KCNQ2: variants seen among roughly 807,000 people sequenced by gnomAD.
The protein encoded by KCNQ2 is potassium voltage-gated channel subfamily KQT member 2.
Under a neutral mutation model 84.8 loss-of-function variants are expected in KCNQ2, and 14 were observed. That is an observed-to-expected ratio of 0.17 (90% CI 0.11 to 0.26). KCNQ2 has a LOEUF of 0.26. Among genes scored for constraint, KCNQ2 ranks in the 10% least tolerant of loss-of-function variants. KCNQ2 has a pLI of 1.00. For synonymous variants in KCNQ2, 599 were observed against 554.1 expected, an observed-to-expected ratio of 1.08 and a Z score of -1.14; for missense variants, 788 against 1,254.0, an observed-to-expected ratio of 0.63 and a Z score of 5.61.
intron 1 of KCNQ2, among the ~76,000 whole-genome samples, chr20:63,451,475 G>A (rs550634936): frequency 6.6e-6 from 1 of 152,278 alleles, no homozygotes; most frequent in Non-Finnish European, 1.5e-5. Flanking sequence ...GAACCTGCCT[G>A]CTTGGGGACT....
chr20:63,429,858 T>C (rs2080741546), intron 9 of KCNQ2, among the ~76,000 whole-genome samples: 1 of 152,084 alleles, frequency 6.6e-6, no homozygotes, highest in African/African-American at 2.4e-5. Flanking sequence ...CTGGCCCCTC[T>C]TTGTTCCCTC....
Position 63,406,769 on chromosome 20 carries a change from G to C in KCNQ2, c.2494C>G (p.Pro832Ala). Reference protein sequence around the residue: ...AAVAPCAKVRPYIAEGESDTD... With the variant: ...AAVAPCAKVRAYIAEGESDTD... The stretch of plus-strand genomic sequence containing the variant: ...TCTGACTCTCCCTCCGCAATGTAGG[G>C]CCTGACTTTGGCACAAGGCGCCACG... The change falls in exon 17 of 17, where the codon CCC (proline) becomes GCC (alanine). Residue 832 changes from proline (P) to alanine (A), a missense_variant. By Grantham distance (27) the Pro-to-Ala change is conservative. Around this residue, in one of 8 missense-constraint regions of KCNQ2, gnomAD observed 378 missense variants for 434.5 expected, o/e 0.87. Transcript: ENST00000359125. 1.2e-6 allele frequency: 2 copies of C among 1,612,494 alleles called. No individual in the cohort carries two copies. The highest frequency in any genetic ancestry group is 2.7e-5 in the African/African-American group (2 of 75,056).
intron 7 of KCNQ2, among the ~76,000 whole-genome samples, chr20:63,435,182 A>G (rs2080956570): frequency 6.6e-6 from 1 of 152,184 alleles, no homozygotes; most frequent in Admixed American, 6.5e-5. Flanking sequence ...TGAGCCCAGG[A>G]GTTCAAGCCC....
At chr20:63,411,009 T>G in intron 15 of KCNQ2, 1 of 456,378 alleles carries the variant, frequency 2.2e-6, no homozygotes, top group Non-Finnish European at 4.4e-6. Flanking sequence ...AGTTAATCAC[T>G]AAAGAACTGG....
chr20:63,413,692 G>GC, intron 14 of KCNQ2, 111 bp from the exon 15 acceptor site: 1 of 1,210,714 alleles, frequency 8.3e-7, no homozygotes, highest in East Asian at 2.5e-5. Context: ...GGCTGGACTT[G>GC]CCCCTCTTGT....
Position 63,462,312 on chromosome 20 carries a change from C to T in KCNQ2, c.296+9856G>A, listed in dbSNP as rs544891361. The stretch of plus-strand genomic sequence containing the variant: ...ACCCCAGGCAGCAGGGAGGAGGTGG[C>T]ACCTACCCCAGGCAGCAGGGAGGAG... On this transcript the variant is annotated intron_variant, in intron 1 of 16. Coordinates refer to ENST00000359125, the MANE Select transcript of KCNQ2 (RefSeq NM_172107.4). Among the ~76,000 whole-genome samples, 30 of 150,018 alleles carry T rather than the reference C, an allele frequency of 2.0e-4. No homozygotes were observed. In the East Asian group the frequency reaches 5.6e-3, roughly 28 times the overall value.
chr20:63,428,481 G>C (rs771480455), intron 9 of KCNQ2, 46 bp from the exon 10 acceptor site: 19 of 1,476,318 alleles, frequency 1.3e-5, no homozygotes, highest in Non-Finnish European at 1.8e-5. Flanking sequence ...ACCCTCCCGA[G>C]TCCTGGGACA....
intron 4 of KCNQ2, chr20:63,443,481 C>CCACCAT (rs2081320019): frequency 1.4e-5 from 1 of 70,904 alleles, no homozygotes; most frequent in Non-Finnish European, 2.9e-5. Context: ...ACCATCATCA[C>CCACCAT]CACCACCATC....
Position 63,438,218 on chromosome 20 carries a change from C to T in KCNQ2, c.1023+407G>A, listed in dbSNP as rs376781760. ...GGGACGGCACTGGGTGGGGTCCGGGCGGGCATCATGGGGGCCCACAGCCAG... is the reference window on the plus strand; with the variant it reads ...GGGACGGCACTGGGTGGGGTCCGGGTGGGCATCATGGGGGCCCACAGCCAG... On this transcript the variant is annotated intron_variant, in intron 7 of 16. Coordinates refer to ENST00000359125, the MANE Select transcript of KCNQ2 (RefSeq NM_172107.4). The surrounding 1 kb of genome is among the most constrained non-coding windows in gnomAD (Gnocchi z 5.1). The T allele has an allele frequency of 6.2e-6, 2 of 320,168 alleles. No homozygotes were observed. Among genetic ancestry groups the T allele is most frequent in the Admixed American group, 4.2e-5 (1 of 23,530 alleles). The allele number at this position is 320,168 out of a possible 1,614,324, so 19.8% of individuals were successfully genotyped here.
At chr20:63,416,085 C>T (rs1175177713) in intron 12 of KCNQ2, among the ~76,000 whole-genome samples, 1 of 152,228 alleles carries the variant, frequency 6.6e-6, no homozygotes, top group Non-Finnish European at 1.5e-5. Context: ...ACTGCTCCTT[C>T]CGGCTTCTGG....
At chr20:63,435,985 CTT>C (rs56346120) in intron 7 of KCNQ2, among the ~76,000 whole-genome samples, 26 of 139,816 alleles carry the variant, frequency 1.9e-4, no homozygotes, top group Non-Finnish European at 1.2e-4. Context: ...TGTGTGGTTT[CTT>C]TTTTTTTTTT....
At chr20:63,462,295 C>T (rs1371134143) in intron 1 of KCNQ2, among the ~76,000 whole-genome samples, 1 of 135,326 alleles carries the variant, frequency 7.4e-6, no homozygotes, top group African/African-American at 2.8e-5. Flanking sequence ...CTACCCCAGG[C>T]AGCAGGGAGG....
At chr20:63,421,752 G>C (rs1216638673) in intron 11 of KCNQ2, among the ~76,000 whole-genome samples, 1 of 152,156 alleles carries the variant, frequency 6.6e-6, no homozygotes, top group Non-Finnish European at 1.5e-5. Context: ...CCAGCACGGG[G>C]GCAGGAGGCA....
intron 1 of KCNQ2, chr20:63,471,273 C>T (rs995936763): frequency 1.9e-4 from 29 of 152,430 alleles, no homozygotes; most frequent in African/African-American, 6.3e-4. Context: ...ACACCGGCCG[C>T]ACAGGCCGCA....
intron 9 of KCNQ2, among the ~76,000 whole-genome samples, chr20:63,430,304 G>C (rs1354443861): frequency 5.9e-5 from 9 of 152,200 alleles, no homozygotes. Context: ...CTGGCCCCAG[G>C]GGCAGCAGGG....
intron 1 of KCNQ2, among the ~76,000 whole-genome samples, chr20:63,453,206 C>T (rs2081666142): frequency 6.6e-6 from 1 of 152,210 alleles, no homozygotes; most frequent in Admixed American, 6.5e-5. Flanking sequence ...CGCCACAGGC[C>T]CACGGCTTCC....
rs373589708 is a variant in KCNQ2, at chr20:63,445,375, G to A, written c.388-11C>T. 3 of 1,613,214 alleles carry A rather than the reference G, an allele frequency of 1.9e-6. No homozygotes were observed. The highest frequency in any genetic ancestry group is 1.7e-5 in the Admixed American group (1 of 60,014). On this transcript the variant is annotated splice_polypyrimidine_tract_variant and intron_variant, in intron 2 of 16. Coordinates refer to ENST00000359125, the MANE Select transcript of KCNQ2 (RefSeq NM_172107.4). The stretch of plus-strand genomic sequence containing the variant: ...GATAGTCACGATTTCCTGCAGGGGA[G>A]GAAAGCTGAGGCCACCTTGAGGCCT...
At chr20:63,431,532 GAGGTC>G (rs2080787177) in intron 8 of KCNQ2, among the ~76,000 whole-genome samples, 163 bp from the exon 9 acceptor site, 1 of 152,178 alleles carries the variant, frequency 6.6e-6, no homozygotes, top group Admixed American at 6.5e-5. Flanking sequence ...TGGGCTGAGA[GAGGTC>G]ACTTTGCAGA....
chr20:63,457,556 G>T (rs1049889512), intron 1 of KCNQ2, among the ~76,000 whole-genome samples: 1 of 149,642 alleles, frequency 6.7e-6, no homozygotes, highest in African/African-American at 2.6e-5. Flanking sequence ...GCGCTCTCAG[G>T]GGGCTCTCGA....
Sources: gnomAD v4.1 joint callset for allele counts (sites outside exome capture counted in the v4.1 genomes callset) on GRCh38, gnomAD v4.1.1 for gene constraint, gnomAD v4.1.1 regional missense constraint, Gnocchi (gnomAD v3.1) non-coding constraint, MANE v1.5 for transcripts, NCBI Gene and HGNC (gene_info 2026-07-23, HGNC 2026-07-21) for gene names.